CRMP1: variants seen among roughly 807,000 people sequenced by gnomAD.
CRMP1 encodes the protein dihydropyrimidinase-related protein 1.
In CRMP1, 19 loss-of-function variants were observed where a neutral mutation model predicts 68.3. The ratio of observed to expected loss-of-function variants is 0.28; its 90% CI spans 0.19 to 0.41. CRMP1 has a LOEUF of 0.41. Ranked by LOEUF, CRMP1 falls within the 10% of genes least tolerant of loss-of-function variation. CRMP1 has a pLI of 1.00. For missense variants in CRMP1, 791 were observed against 967.4 expected, an observed-to-expected ratio of 0.82 and a Z score of 2.42; for synonymous variants, 439 against 399.6, an observed-to-expected ratio of 1.10 and a Z score of -1.18.
intron 9 of CRMP1, among the ~76,000 whole-genome samples, chr4:5,837,650 T>TAATAAAATAAAATAAAATAA (rs376152936): frequency 2.4e-4 from 33 of 134,858 alleles, no homozygotes; most frequent in Middle Eastern, 3.6e-3. Context: ...TAAAATAAAA[T>TAATAAAATAAAATAAAATAA]AATAAAATAA....
chr4:5,836,694 C>CATA, intron 10 of CRMP1, 71 bp downstream of exon 10: 3 of 1,608,484 alleles, frequency 1.9e-6, no homozygotes, highest in Non-Finnish European at 2.6e-6. Context: ...ACCCAGCGTG[C>CATA]ATAATGCATC....
chr4:5,856,013 C>T lies in CRMP1; in HGVS notation c.820+130G>A, dbSNP rs1051496434. The T allele has an allele frequency of 3.9e-5, 40 of 1,038,630 alleles. No individual in the cohort carries two copies. The East Asian group carries it at 6.3e-4, about 16-fold the overall frequency. 64.3% of individuals were successfully genotyped at this position (1,038,630 alleles called of 1,614,324 possible). A position where few individuals can be genotyped will look rare whatever the true frequency, so the allele number is the denominator to read the frequency against. ...GGACTGGCCTGTTTCCTCACTGTCA[C>T]GTGGCAGAGTGCAGCTCATAATCAG... On this transcript the variant is annotated intron_variant, in intron 4 of 13. Transcript: ENST00000324989.
chr4:5,884,685 G>A (rs1318686686), intron 1 of CRMP1, among the ~76,000 whole-genome samples: 1 of 152,180 alleles, frequency 6.6e-6, no homozygotes, highest in East Asian at 1.9e-4. Flanking sequence ...CATAGAACTA[G>A]GTGAGAGATA....
chr4:5,882,238 G>A (rs1255610548), intron 1 of CRMP1, among the ~76,000 whole-genome samples: 1 of 152,200 alleles, frequency 6.6e-6, no homozygotes, highest in Admixed American at 6.5e-5. Flanking sequence ...CTACATTTGA[G>A]TAGAAGTTCT....
rs1038118736 is a variant in CRMP1, at chr4:5,888,041, C to A, written c.381+4548G>T. Among the ~76,000 whole-genome samples, 1 of 151,980 alleles carries A rather than the reference C, an allele frequency of 6.6e-6. No individual in the cohort carries two copies. Among genetic ancestry groups the A allele is most frequent in the African/African-American group, 2.4e-5 (1 of 41,414 alleles). ...CCCGCCCCGCCATGCGGGGCTCCCCCACCCCCATTGTCCCCAGAGGCTGGG... is the reference window on the plus strand; with the variant it reads ...CCCGCCCCGCCATGCGGGGCTCCCCAACCCCCATTGTCCCCAGAGGCTGGG... On this transcript the variant is annotated intron_variant, in intron 1 of 13. Transcript: ENST00000324989. The surrounding 1 kb of genome is among the most constrained non-coding windows in gnomAD (Gnocchi z 6.4).
rs188714502 is a variant in CRMP1, at chr4:5,870,219, G to A, written c.382-3463C>T. 4.6e-5 allele frequency among the ~76,000 whole-genome samples: 7 copies of A among 152,278 alleles called. No individual in the cohort carries two copies. Among genetic ancestry groups the A allele is most frequent in the South Asian group, 2.1e-4 (1 of 4,818 alleles). Reference sequence around the variant, plus strand: ...TTACTTATCTGAGTGCCCTCCGCTCGACTTCCCCTGTTTGGGACAACACAC... The same window carrying A: ...TTACTTATCTGAGTGCCCTCCGCTCAACTTCCCCTGTTTGGGACAACACAC... On this transcript the variant is annotated intron_variant, in intron 1 of 13. Transcript: ENST00000324989. The surrounding 1 kb of genome is among the most constrained non-coding windows in gnomAD (Gnocchi z 6.0).
At chr4:5,867,244 CT>C (rs1714060451) in intron 1 of CRMP1, among the ~76,000 whole-genome samples, 1 of 151,738 alleles carries the variant, frequency 6.6e-6, no homozygotes, top group South Asian at 2.1e-4. Context: ...TCATAGACGT[CT>C]TTTTGTAGTT....
At chr4:5,823,481 C>CCA (rs1719025369) in intron 13 of CRMP1, among the ~76,000 whole-genome samples, 1 of 152,170 alleles carries the variant, frequency 6.6e-6, no homozygotes, top group Non-Finnish European at 1.5e-5. Context: ...TTTTGTCCCC[C>CCA]AAAACTTCGT....
Position 5,838,643 on chromosome 4 carries a change from A to T in CRMP1, c.1310+879T>A, listed in dbSNP as rs1720884436. ...TGGGGGAAGATCTGCAGTTCTTTGT[A>T]AACGTGAGCTGCCCACCAGACATTG... On this transcript the variant is annotated intron_variant, in intron 9 of 13. Coordinates refer to ENST00000324989, the MANE Select transcript of CRMP1 (RefSeq NM_001014809.3). This position sits in a 1 kb window ranked among gnomAD's most constrained non-coding sequence, Gnocchi z 4.9. Among the ~76,000 whole-genome samples, 1 of 152,162 alleles carries T rather than the reference A, an allele frequency of 6.6e-6. No homozygotes were observed. Among genetic ancestry groups the T allele is most frequent in the South Asian group, 2.1e-4 (1 of 4,824 alleles).
At position 5,853,737 on chromosome 4, in the gene CRMP1, C is replaced by T. The variant is rs1384167526; in HGVS notation, c.821-2268G>A. 2.0e-5 allele frequency among the ~76,000 whole-genome samples: 3 copies of T among 152,216 alleles called. No homozygotes were observed. Among genetic ancestry groups the T allele is most frequent in the Non-Finnish European group, 4.4e-5 (3 of 68,040 alleles). On this transcript the variant is annotated intron_variant, in intron 4 of 13. Coordinates refer to ENST00000324989, the MANE Select transcript of CRMP1 (RefSeq NM_001014809.3). This position sits in a 1 kb window ranked among gnomAD's most constrained non-coding sequence, Gnocchi z 4.7. ...GGATTTTATAAATGTGGTAAACATACACAATGGATGCCTTAGTAAAGAAGG... is the reference window on the plus strand; with the variant it reads ...GGATTTTATAAATGTGGTAAACATATACAATGGATGCCTTAGTAAAGAAGG...
chr4:5,835,845 T>A lies in CRMP1; in HGVS notation c.1623+70A>T. 3 of 1,349,018 alleles carry A rather than the reference T, an allele frequency of 2.2e-6. No individual in the cohort carries two copies. The South Asian group carries it at 7.2e-5, about 32-fold the overall frequency. The allele number at this position is 1,349,018 out of a possible 1,614,324, so 83.6% of individuals were successfully genotyped here. A position where few individuals can be genotyped will look rare whatever the true frequency, so the allele number is the denominator to read the frequency against. On this transcript the variant is annotated intron_variant, in intron 11 of 13. Transcript: ENST00000324989. Reference sequence around the variant, plus strand: ...AGTTGGAAAATTCATAAATCATTTTTAACCAGTCTTTAAAAATGATTACAA... The same window carrying A: ...AGTTGGAAAATTCATAAATCATTTTAAACCAGTCTTTAAAAATGATTACAA...
In CRMP1 at chr4:5,890,371, T is replaced by C. The variant is rs1326071805; in HGVS notation, c.381+2218A>G. Among the ~76,000 whole-genome samples the C allele has an allele frequency of 6.6e-6, 1 of 152,186 alleles. No homozygotes were observed. Among genetic ancestry groups the C allele is most frequent in the Non-Finnish European group, 1.5e-5 (1 of 68,034 alleles). On this transcript the variant is annotated intron_variant, in intron 1 of 13. Transcript: ENST00000324989. The surrounding 1 kb of genome is among the most constrained non-coding windows in gnomAD (Gnocchi z 5.5). Reference sequence around the variant, plus strand: ...GCTCAGCCTCCGGCAGCGGCAATCCTTGCGCCTGCGCCGCAGAAACCCCTC... The same window carrying C: ...GCTCAGCCTCCGGCAGCGGCAATCCCTGCGCCTGCGCCGCAGAAACCCCTC...
chr4:5,851,581 G>T, intron 4 of CRMP1, 112 bp from the exon 5 acceptor site: 2 of 1,066,938 alleles, frequency 1.9e-6, no homozygotes, highest in Non-Finnish European at 2.9e-6. Context: ...AGAGATGAGT[G>T]CCATTGGGAT....
At chr4:5,862,590 C>A (rs1311680961) in intron 2 of CRMP1, among the ~76,000 whole-genome samples, 1 of 152,212 alleles carries the variant, frequency 6.6e-6, no homozygotes, top group South Asian at 2.1e-4. Context: ...GGCTCACAAC[C>A]AGCTCTAACA....
At chr4:5,862,399 A>C (rs904351765) in intron 2 of CRMP1, among the ~76,000 whole-genome samples, 5 of 152,080 alleles carry the variant, frequency 3.3e-5, no homozygotes, top group Non-Finnish European at 5.9e-5. Context: ...ATAACACCAG[A>C]ATGTCCAACT....
At chr4:5,887,648 G>A (rs1161815324) in intron 1 of CRMP1, 3 of 985,418 alleles carry the variant, frequency 3.0e-6, no homozygotes, top group Non-Finnish European at 3.6e-6. Context: ...CGCCAGCGTC[G>A]CCCCATTAGG....
At chr4:5,875,746 T>C (rs1427517304) in intron 1 of CRMP1, among the ~76,000 whole-genome samples, 1 of 18,914 alleles carries the variant, frequency 5.3e-5, no homozygotes, top group Non-Finnish European at 1.3e-4. Context: ...TGAATTGACA[T>C]GGACACAGAG....
Position 5,850,264 on chromosome 4 carries a change from C to G in CRMP1, c.883-792G>C, listed in dbSNP as rs1047911377. Reference sequence around the variant, plus strand: ...GGAAGGCATGTGGAGGCATGAAGCACTTTTGAGAACCTGCACGCAGAGGCT... The same window carrying G: ...GGAAGGCATGTGGAGGCATGAAGCAGTTTTGAGAACCTGCACGCAGAGGCT... On this transcript the variant is annotated intron_variant, in intron 5 of 13. Coordinates refer to ENST00000324989, the MANE Select transcript of CRMP1 (RefSeq NM_001014809.3). This position sits in a 1 kb window ranked among gnomAD's most constrained non-coding sequence, Gnocchi z 4.4. Among the ~76,000 whole-genome samples the G allele has an allele frequency of 2.0e-5, 3 of 152,200 alleles. No homozygotes were observed. In the East Asian group the frequency reaches 5.8e-4, roughly 29 times the overall value.
In CRMP1 at chr4:5,879,666, A is replaced by G. The variant is rs1241268920; in HGVS notation, c.382-12910T>C. 6.6e-6 allele frequency among the ~76,000 whole-genome samples: 1 copy of G among 152,232 alleles called. No homozygotes were observed. Among genetic ancestry groups the G allele is most frequent in the Non-Finnish European group, 1.5e-5 (1 of 68,034 alleles). ...CCTATGAAGTTTAACATTCTATGCC[A>G]AATGCTCTAACATTCTATGCCAAAT... On this transcript the variant is annotated intron_variant, in intron 1 of 13. Transcript: ENST00000324989. This position sits in a 1 kb window ranked among gnomAD's most constrained non-coding sequence, Gnocchi z 4.2.
Sources: gnomAD v4.1 joint callset for allele counts (sites outside exome capture counted in the v4.1 genomes callset) on GRCh38, gnomAD v4.1.1 for gene constraint, Gnocchi (gnomAD v3.1) non-coding constraint, MANE v1.5 for transcripts, NCBI Gene and HGNC (gene_info 2026-07-23, HGNC 2026-07-21) for gene names.